Variants in ATL2 observed in about 807,000 individuals in gnomAD.
The protein encoded by ATL2 is atlastin GTPase 2, also known as atlastin-2.
A neutral mutation model predicts 73.9 loss-of-function variants in ATL2; 31 were observed. The ratio of observed to expected loss-of-function variants is 0.42; its 90% confidence interval spans 0.32 to 0.57. ATL2 has a LOEUF of 0.57. ATL2 is among the 20% of genes least tolerant of loss of function. The pLI is 0.14. For synonymous variants in ATL2, 291 were observed against 237.5 expected, an observed-to-expected ratio of 1.23 and a Z score of -2.07; for missense variants, 738 against 702.6, an observed-to-expected ratio of 1.05 and a Z score of -0.57.
chr2:38,318,807 C>T, intron 3 of ATL2, 78 bp downstream of exon 3: 2 of 1,492,136 alleles, frequency 1.3e-6, no homozygotes, highest in South Asian at 2.5e-5. Context: ...ATTAATAGTT[C>T]TGTGTTGTTT....
At chr2:38,328,243 C>T (rs1212479450) in intron 2 of ATL2, among the ~76,000 whole-genome samples, 1 of 152,140 alleles carries the variant, frequency 6.6e-6, no homozygotes, top group Admixed American at 6.5e-5. Flanking sequence ...ACTGGGAGAC[C>T]TCACACCTCT....
intron 1 of ATL2, among the ~76,000 whole-genome samples, chr2:38,370,669 G>C (rs1008234864): frequency 7.2e-5 from 11 of 151,898 alleles, no homozygotes; most frequent in Non-Finnish European, 1.5e-4. Flanking sequence ...TGGGAGGCTG[G>C]GGCAGAAGAA....
At chr2:38,358,641 G>C (rs1461396915) in intron 1 of ATL2, 1 of 208,690 alleles carries the variant, frequency 4.8e-6, no homozygotes, top group Non-Finnish European at 1.0e-5. Flanking sequence ...GCAGTGAGCC[G>C]AGACCGTGCC....
chr2:38,340,257 G>C (rs1188787960), intron 2 of ATL2, among the ~76,000 whole-genome samples: 1 of 150,332 alleles, frequency 6.7e-6, no homozygotes, highest in East Asian at 2.0e-4. Flanking sequence ...TGGTAGTAAG[G>C]GTGTATACCT....
At chr2:38,319,151 C>CA in intron 2 of ATL2, 132 bp from the exon 3 acceptor site, 2 of 952,162 alleles carry the variant, frequency 2.1e-6, no homozygotes, top group Non-Finnish European at 3.1e-6. Flanking sequence ...GTGTAACAAA[C>CA]AAGTAGTTAC....
chr2:38,325,906 TAAAAAAAA>T (rs761254087), intron 2 of ATL2, among the ~76,000 whole-genome samples: 2 of 52,026 alleles, frequency 3.8e-5, no homozygotes, highest in Non-Finnish European at 4.8e-5. Context: ...TTTGTTTGTT[TAAAAAAAA>T]AAAAAAAAAA....
chr2:38,315,576 A>C (rs969869795), intron 4 of ATL2, among the ~76,000 whole-genome samples: 22 of 152,074 alleles, frequency 1.4e-4, no homozygotes, highest in African/African-American at 5.3e-4. Context: ...ATATATGTAT[A>C]CTCATGGCCT....
intron 6 of ATL2, among the ~76,000 whole-genome samples, chr2:38,314,321 T>C (rs1370925350): frequency 6.6e-6 from 1 of 152,210 alleles, no homozygotes; most frequent in Admixed American, 6.5e-5. Flanking sequence ...GACTGTCATA[T>C]ATTTCCTATT....
At chr2:38,296,170 A>C in intron 12 of ATL2, 57 bp from the exon 13 acceptor site, 1 of 1,485,328 alleles carries the variant, frequency 6.7e-7, no homozygotes, top group East Asian at 2.5e-5. Flanking sequence ...AAAGAGTTAC[A>C]TATAAAAATA....
rs567672195 is a variant in ATL2 at position 38,345,667 on chromosome 2, C to T, written c.119-2155G>A. On this transcript the variant is annotated intron_variant, in intron 1 of 12. Coordinates refer to ENST00000378954, the MANE Select transcript of ATL2 (RefSeq NM_001135673.4). ...TGAATGCATGCAAAAAGTGAACTTT[C>T]CAGGAAAAGTTGCAATACAGTTAAA... 3.5e-4 allele frequency among the ~76,000 whole-genome samples: 53 copies of T among 152,262 alleles called. No individual in the cohort carries two copies. The South Asian group carries it at 7.5e-3, about 21-fold the overall frequency.
At chr2:38,372,307 T>A (rs1671736757) in intron 1 of ATL2, among the ~76,000 whole-genome samples, 1 of 152,158 alleles carries the variant, frequency 6.6e-6, no homozygotes, top group African/African-American at 2.4e-5. Context: ...ACTGAACATG[T>A]ACAATTTTTT....
intron 2 of ATL2, among the ~76,000 whole-genome samples, chr2:38,342,973 C>CAA (rs56691245): frequency 1.8e-4 from 15 of 85,450 alleles, no homozygotes; most frequent in East Asian, 9.0e-4. Context: ...CCCATAGCTA[C>CAA]AAAAAAAAAA....
chr2:38,376,340 G>T, intron 1 of ATL2: 1 of 1,013,418 alleles, frequency 9.9e-7, no homozygotes, highest in Admixed American at 3.1e-5. Flanking sequence ...TACACGTACA[G>T]TAGGAGCTCA....
chr2:38,306,461 T>C (rs781221662), intron 9 of ATL2, among the ~76,000 whole-genome samples: 5 of 152,210 alleles, frequency 3.3e-5, no homozygotes, highest in Non-Finnish European at 7.3e-5. Flanking sequence ...ATATCCCTGA[T>C]GAACACTGTT....
At chr2:38,325,685 CACACACACACCAGT>C (rs1268360140) in intron 2 of ATL2, among the ~76,000 whole-genome samples, 13 of 76,394 alleles carry the variant, frequency 1.7e-4, no homozygotes, top group African/African-American at 1.1e-3. Flanking sequence ...CACACACACA[CACACACACACCAGT>C]ACACACACAC....
At chr2:38,322,097 C>T (rs546154425) in intron 2 of ATL2, among the ~76,000 whole-genome samples, 2 of 152,066 alleles carry the variant, frequency 1.3e-5, no homozygotes, top group East Asian at 3.9e-4. Context: ...GCAAAGGCTA[C>T]AAACAATCAT....
chr2:38,365,019 G>C (rs1456018168), intron 1 of ATL2, among the ~76,000 whole-genome samples: 3 of 151,406 alleles, frequency 2.0e-5, no homozygotes, highest in African/African-American at 7.3e-5. Flanking sequence ...ACTCCAGCCT[G>C]GGGTACAGAG....
intron 1 of ATL2, among the ~76,000 whole-genome samples, chr2:38,355,255 T>G (rs1417208218): frequency 6.6e-6 from 1 of 151,976 alleles, no homozygotes; most frequent in Non-Finnish European, 1.5e-5. Context: ...GCCTCCCGAG[T>G]AGCTGAGATT....
intron 1 of ATL2, among the ~76,000 whole-genome samples, chr2:38,350,179 T>C (rs976857115): frequency 6.6e-6 from 1 of 152,202 alleles, no homozygotes; most frequent in African/African-American, 2.4e-5. Flanking sequence ...ATTTCCATTC[T>C]TCAATGCCAA....
Sources: allele counts gnomAD v4.1 joint callset (sites outside exome capture counted in the v4.1 genomes callset), GRCh38; gene constraint gnomAD v4.1.1; transcripts MANE v1.5; gene names NCBI Gene and HGNC (gene_info 2026-07-23, HGNC 2026-07-21).